OFD1: variants seen among roughly 807,000 people sequenced by gnomAD.
The protein encoded by OFD1 is centriole and centriolar satellite protein OFD1.
Under a neutral mutation model 81.4 loss-of-function variants are expected in OFD1, and 12 were observed. That is an observed-to-expected ratio of 0.15 (90% CI 0.09 to 0.24). The LOEUF (loss-of-function observed/expected upper bound fraction) is 0.24, where lower values mean the gene tolerates loss of function less well. Among genes scored for constraint, OFD1 ranks in the 10% least tolerant of loss-of-function variants. The pLI, the probability that OFD1 is intolerant of heterozygous loss-of-function variation, is 1.00. For missense variants in OFD1, 685 were observed against 733.9 expected (o/e 0.93, Z 0.77); for synonymous variants, 256 against 263.7 (o/e 0.97, Z 0.28).
downstream of OFD1, among the ~76,000 whole-genome samples, chrX:13,770,785 A>C (rs1414185659): frequency 8.9e-6 from 1 of 112,261 alleles, no homozygotes; most frequent in Non-Finnish European, 1.9e-5. Flanking sequence ...TATTTTCTTT[A>C]ATTGCTGAAG....
At chrX:13,750,865 C>T (rs958958845) in intron 9 of OFD1, among the ~76,000 whole-genome samples, 1 of 112,328 alleles carries the variant, frequency 8.9e-6, no homozygotes, top group Non-Finnish European at 1.9e-5. Context: ...TTAGAAACAG[C>T]ATTATAGAAG....
intron 6 of OFD1, 69 bp from the exon 7 acceptor site, chrX:13,746,250 C>G: frequency 2.0e-6 from 2 of 1,009,140 alleles, no homozygotes; most frequent in South Asian, 3.8e-5. Flanking sequence ...ACTTTTGAAC[C>G]AGAGGTCTGG....
the OFD1 span, among the ~76,000 whole-genome samples, chrX:13,723,000 C>T: frequency 9.4e-6 from 1 of 106,723 alleles, no homozygotes; most frequent in East Asian, 3.0e-4. Flanking sequence ...GAGGCGGAGC[C>T]AGAAGAATGG....
the OFD1 span, among the ~76,000 whole-genome samples, chrX:13,725,008 A>G: frequency 8.8e-6 from 1 of 113,306 alleles, no homozygotes; most frequent in South Asian, 3.6e-4. Flanking sequence ...CTAGCGCAGC[A>G]GTCTGAGATT....
the OFD1 span, among the ~76,000 whole-genome samples, chrX:13,723,594 G>A: frequency 4.5e-5 from 5 of 111,910 alleles, no homozygotes; most frequent in Admixed American, 9.5e-5. Flanking sequence ...AATTACCTGC[G>A]TTGACATGAC....
chrX:13,753,129 C>T (rs934816597), intron 10 of OFD1: 8 of 1,006,255 alleles, frequency 8.0e-6, no homozygotes, highest in African/African-American at 2.0e-5. Flanking sequence ...GATAACACGA[C>T]GCTTCATTTT....
intron 13 of OFD1, among the ~76,000 whole-genome samples, 163 bp from the exon 14 acceptor site, chrX:13,757,497 T>A (rs1405869222): frequency 8.9e-6 from 1 of 111,882 alleles, no homozygotes; most frequent in Non-Finnish European, 1.9e-5. Flanking sequence ...AATTTGAGAG[T>A]CAGGATTGCT....
At chrX:13,758,211 C>CT (rs2047787066) in intron 14 of OFD1, 126 bp from the exon 15 acceptor site, 2 of 483,949 alleles carry the variant, frequency 4.1e-6, no homozygotes, top group Non-Finnish European at 7.2e-6. Context: ...CTGTTGTTTA[C>CT]TGTCATAAAG....
At chrX:13,771,801 T>A (rs2048303486), downstream of OFD1, 1 of 112,276 alleles carries the variant, frequency 8.9e-6, no homozygotes, top group Admixed American at 9.5e-5. Flanking sequence ...ACATCAAACT[T>A]TATTATTCCA....
At chrX:13,716,031 A>G in the OFD1 span, 8 of 1,193,666 alleles carry the variant, frequency 6.7e-6, no homozygotes, top group East Asian at 2.4e-4. Context: ...AAACATCAGT[A>G]AAGAAGTTCT....
Position 13,734,948 on chromosome X carries a change from G to C in OFD1, c.-124G>C. The stretch of plus-strand genomic sequence containing the variant: ...GCACCTTTGTTCCTCCCGAACCCTC[G>C]GGACAGAGGCAGGGTTCTGAGGGCA... On this transcript the variant is annotated 5_prime_UTR_variant, in exon 1 of 23. Transcript: ENST00000340096. The C allele has an allele frequency of 5.3e-6, 6 of 1,129,050 alleles. No individual in the cohort carries two copies. Among genetic ancestry groups the C allele is most frequent in the Non-Finnish European group, 5.8e-6 (5 of 860,102 alleles). The allele number at this position is 1,129,050 out of a possible 1,213,427, so 93.0% of individuals were successfully genotyped here.
intron 7 of OFD1, 47 bp from the exon 8 acceptor site, chrX:13,746,733 T>C: frequency 1.0e-6 from 1 of 998,529 alleles, no homozygotes. Flanking sequence ...TTCCTGTTTT[T>C]ATAGTATAAT....
chrX:13,740,924 G>A (rs974449884), intron 5 of OFD1, among the ~76,000 whole-genome samples: 6 of 110,563 alleles, frequency 5.4e-5, no homozygotes, highest in African/African-American at 1.3e-4. Context: ...GGATCACGAG[G>A]TCGGGAGAGC....
chrX:13,759,973 C>T (rs1301617819), intron 15 of OFD1, 142 bp from the exon 16 acceptor site: 4 of 703,712 alleles, frequency 5.7e-6, no homozygotes, highest in Non-Finnish European at 6.6e-6. Context: ...TAGTGGTTAT[C>T]GTTACCATGG....
chrX:13,768,634 A>G (rs2048222603), intron 21 of OFD1, 84 bp from the exon 22 acceptor site: 8 of 740,701 alleles, frequency 1.1e-5, no homozygotes, highest in Non-Finnish European at 1.7e-5. Flanking sequence ...AATTACATAT[A>G]TATTTCAAAA....
rs180882901 is a variant in OFD1 at position 13,736,467 on chromosome X, T to C, written c.112-11T>C. On this transcript the variant is annotated splice_polypyrimidine_tract_variant and intron_variant, in intron 2 of 22. Coordinates refer to ENST00000340096, the MANE Select transcript of OFD1 (RefSeq NM_003611.3). ...TGTTTCTTTTTTATTTTTGTTTTTA[T>C]TTTATGCTAGACACAACTTCGAAAC... 5 of 1,206,197 alleles carry C rather than the reference T, an allele frequency of 4.1e-6. No homozygotes were observed. Among genetic ancestry groups the C allele is most frequent in the African/African-American group, 3.5e-5 (2 of 57,160 alleles).
chrX:13,736,372 G>A (rs1163738704), intron 2 of OFD1, 106 bp from the exon 3 acceptor site: 1 of 1,096,435 alleles, frequency 9.1e-7, no homozygotes, highest in African/African-American at 1.8e-5. Flanking sequence ...TAGAAGGAAG[G>A]TTTCCAATGA....
chrX:13,755,280 A>C (rs1171699919), intron 12 of OFD1, 38 bp downstream of exon 12: 1 of 985,716 alleles, frequency 1.0e-6, no homozygotes. Context: ...AATAGATTTT[A>C]AGCAATATAT....
Position 13,762,448 on chromosome X carries a change from A to C in OFD1, c.2488+4A>C. On this transcript the variant is annotated splice_donor_region_variant and intron_variant, in intron 18 of 22. Transcript: ENST00000340096. The stretch of plus-strand genomic sequence containing the variant: ...GAGTTTGAATCATCTTTTGAATGTA[A>C]GTTCAAATATAAATACCAGTTTTTA... 9.3e-7 allele frequency: 1 copy of C among 1,070,096 alleles called. No homozygotes were observed. The highest frequency in any genetic ancestry group is 1.3e-6 in the Non-Finnish European group (1 of 766,244). 88.2% of individuals were successfully genotyped at this position (1,070,096 alleles called of 1,213,427 possible). A position where few individuals can be genotyped will look rare whatever the true frequency, so the allele number is the denominator to read the frequency against.
Sources: allele counts gnomAD v4.1 joint callset (sites outside exome capture counted in the v4.1 genomes callset), GRCh38; gene constraint gnomAD v4.1.1; transcripts MANE v1.5; gene names NCBI Gene and HGNC (gene_info 2026-07-23, HGNC 2026-07-21).